The following RSU1 variants were observed in gnomAD, a reference collection of about 807,000 sequenced individuals.
The protein encoded by RSU1 is Ras suppressor protein 1.
Under a neutral mutation model 31.1 loss-of-function variants are expected in RSU1, and 26 were observed. That is an observed-to-expected ratio of 0.84 (90% CI 0.61 to 1.16). The LOEUF is 1.16. Ranked by LOEUF, RSU1 falls within the 50% of genes most tolerant of loss-of-function variation. RSU1 has a pLI of 0.00. For synonymous variants in RSU1, 164 were observed against 136.3 expected, an observed-to-expected ratio of 1.20 and a Z score of -1.41; for missense variants, 320 against 339.1, an observed-to-expected ratio of 0.94 and a Z score of 0.44.
At chr10:16,615,949 G>C (rs371553020) in intron 8 of RSU1, among the ~76,000 whole-genome samples, 1 of 151,922 alleles carries the variant, frequency 6.6e-6, no homozygotes, top group African/African-American at 2.4e-5. Context: ...ACACCCCAAC[G>C]TTACAAGGAA....
At chr10:16,629,342 CTGCCAAT>C (rs1834209631) in intron 8 of RSU1, among the ~76,000 whole-genome samples, 1 of 152,134 alleles carries the variant, frequency 6.6e-6, no homozygotes. Flanking sequence ...CAGGACCGAA[CTGCCAAT>C]CTCTACCTGT....
intron 8 of RSU1, among the ~76,000 whole-genome samples, chr10:16,609,811 G>A (rs960181102): frequency 5.9e-5 from 9 of 152,160 alleles, no homozygotes; most frequent in East Asian, 1.9e-4. Context: ...TGAATACCTC[G>A]AGTGAGTTAA....
intron 7 of RSU1, among the ~76,000 whole-genome samples, chr10:16,743,942 G>A (rs566084534): frequency 6.6e-6 from 1 of 151,906 alleles, no homozygotes; most frequent in African/African-American, 2.4e-5. Context: ...ACCAGCCTGG[G>A]CAACGTAGGG....
chr10:16,789,100 C>T (rs1837858958), intron 2 of RSU1, among the ~76,000 whole-genome samples: 1 of 152,238 alleles, frequency 6.6e-6, no homozygotes. Context: ...AGCTCAGGTT[C>T]ACGAGGACAG....
At chr10:16,664,267 A>G (rs1834945798) in intron 8 of RSU1, among the ~76,000 whole-genome samples, 1 of 152,210 alleles carries the variant, frequency 6.6e-6, no homozygotes, top group Non-Finnish European at 1.5e-5. Flanking sequence ...TACCAAAACG[A>G]CCACTATCGT....
At chr10:16,696,853 T>C (rs938771038) in intron 7 of RSU1, among the ~76,000 whole-genome samples, 16 of 152,044 alleles carry the variant, frequency 1.1e-4, no homozygotes, top group African/African-American at 3.6e-4. Flanking sequence ...TGTTTTTATC[T>C]TTACTTAGGG....
intron 7 of RSU1, among the ~76,000 whole-genome samples, chr10:16,738,222 G>A (rs7067986): frequency 0.053 from 8,024 of 152,166 alleles, 618 homozygotes; most frequent in African/African-American, 0.17. Context: ...CAAAACAGGC[G>A]GATCATGATG....
At chr10:16,812,454 C>G (rs139594928) in intron 2 of RSU1, among the ~76,000 whole-genome samples, 104 of 152,070 alleles carry the variant, frequency 6.8e-4, no homozygotes, top group Middle Eastern at 3.4e-3. Context: ...AAACAAAAAA[C>G]AAAAATTAAA....
intron 7 of RSU1, chr10:16,727,129 A>AG (rs1210663871): frequency 4.4e-6 from 2 of 456,494 alleles, no homozygotes; most frequent in Non-Finnish European, 8.8e-6. Flanking sequence ...GCCTACCACA[A>AG]GGGAACAGGA....
At chr10:16,792,866 G>C (rs994294319) in intron 2 of RSU1, among the ~76,000 whole-genome samples, 2 of 152,236 alleles carry the variant, frequency 1.3e-5, no homozygotes, top group Non-Finnish European at 2.9e-5. Flanking sequence ...CCACAGGAAT[G>C]TGGAAGCTGG....
intron 2 of RSU1, among the ~76,000 whole-genome samples, chr10:16,791,658 T>G (rs1276881303): frequency 7.0e-6 from 1 of 143,312 alleles, no homozygotes; most frequent in African/African-American, 2.6e-5. Flanking sequence ...AAAAGAAAAA[T>G]CGAAAAACTA....
intron 7 of RSU1, among the ~76,000 whole-genome samples, chr10:16,712,639 TTAATC>T (rs1223775923): frequency 6.6e-6 from 1 of 152,152 alleles, no homozygotes; most frequent in East Asian, 1.9e-4. Context: ...TTTTGTTGCC[TTAATC>T]TACTTATTTA....
chr10:16,692,812 C>G (rs1835587623), intron 8 of RSU1, among the ~76,000 whole-genome samples: 1 of 152,150 alleles, frequency 6.6e-6, no homozygotes, highest in Non-Finnish European at 1.5e-5. Flanking sequence ...CTATACCTAT[C>G]TCATTTTATC....
At chr10:16,669,554 T>C (rs568596966) in intron 8 of RSU1, among the ~76,000 whole-genome samples, 1 of 152,316 alleles carries the variant, frequency 6.6e-6, no homozygotes, top group Admixed American at 6.5e-5. Flanking sequence ...GTGACACTCA[T>C]CTACAAAAGC....
At chr10:16,665,101 G>A (rs1008060050) in intron 8 of RSU1, among the ~76,000 whole-genome samples, 3 of 151,960 alleles carry the variant, frequency 2.0e-5, no homozygotes, top group Non-Finnish European at 4.4e-5. Context: ...ATGCTGTCAC[G>A]CTGGGCTAAT....
rs1833531809 is a variant in RSU1, at chr10:16,592,818, G to GGATAA, written c.*571_*575dup. The stretch of plus-strand genomic sequence containing the variant: ...TTTATCATGTATAACCAATAAAATT[G>GGATAA]GATAAGATGATTTTGGGGGAGAAAA... On this transcript the variant is annotated 3_prime_UTR_variant, in exon 9 of 9. Coordinates refer to ENST00000345264, the MANE Select transcript of RSU1 (RefSeq NM_012425.4). 1 of 152,168 alleles carries GGATAA rather than the reference G, an allele frequency of 6.6e-6. No homozygotes were observed. The highest frequency in any genetic ancestry group is 1.9e-4 in the East Asian group (1 of 5,206). 9.4% of individuals were successfully genotyped at this position (152,168 alleles called of 1,614,324 possible). A position where few individuals can be genotyped will look rare whatever the true frequency, so the allele number is the denominator to read the frequency against.
chr10:16,778,016 A>AT, intron 3 of RSU1, among the ~76,000 whole-genome samples: 1 of 118,470 alleles, frequency 8.4e-6, no homozygotes, highest in Admixed American at 8.9e-5. Context: ...AAGGTCATAT[A>AT]CCTTTTTTTT....
chr10:16,809,008 T>C (rs996002385), intron 2 of RSU1, among the ~76,000 whole-genome samples: 8 of 152,166 alleles, frequency 5.3e-5, no homozygotes, highest in African/African-American at 1.9e-4. Context: ...ACTTCCAGCC[T>C]CCAGGACCGT....
intron 7 of RSU1, among the ~76,000 whole-genome samples, chr10:16,727,380 G>C (rs994532664): frequency 6.6e-6 from 1 of 151,996 alleles, no homozygotes; most frequent in African/African-American, 2.4e-5. Flanking sequence ...GCAAATTCAC[G>C]ACCACAGTGA....
Sources: allele counts gnomAD v4.1 joint callset (sites outside exome capture counted in the v4.1 genomes callset), GRCh38; gene constraint gnomAD v4.1.1; transcripts MANE v1.5; gene names NCBI Gene and HGNC (gene_info 2026-07-23, HGNC 2026-07-21).